Variants in RIMS2 observed in about 807,000 individuals in gnomAD.
The protein encoded by RIMS2 is regulating synaptic membrane exocytosis 2.
In RIMS2, 59 loss-of-function variants were observed where a neutral mutation model predicts 174.4. That is an observed-to-expected ratio of 0.34 (90% confidence interval 0.27 to 0.42). The LOEUF is 0.42. Among genes scored for constraint, RIMS2 ranks in the 10% least tolerant of loss-of-function variants. The pLI is 1.00. For missense variants in RIMS2, 1,620 were observed against 1,666.3 expected (o/e 0.97, Z 0.48); for synonymous variants, 606 against 572.5 (o/e 1.06, Z -0.84).
At chr8:103,774,310 C>A (rs1220323763) in intron 3 of RIMS2, among the ~76,000 whole-genome samples, 1 of 152,168 alleles carries the variant, frequency 6.6e-6, no homozygotes, top group Non-Finnish European at 1.5e-5. Context: ...AATGACACAG[C>A]AGTTCTACTC....
At chr8:103,538,099 T>A (rs1194059480) in intron 1 of RIMS2, among the ~76,000 whole-genome samples, 3 of 152,168 alleles carry the variant, frequency 2.0e-5, no homozygotes, top group Non-Finnish European at 4.4e-5. Flanking sequence ...ATCTCTCCTA[T>A]GGTCTTTAAA....
At chr8:103,588,484 A>G (rs1021271727) in intron 1 of RIMS2, among the ~76,000 whole-genome samples, 1 of 151,908 alleles carries the variant, frequency 6.6e-6, no homozygotes, top group East Asian at 1.9e-4. Flanking sequence ...AAACTGGAGG[A>G]ATCACATTAC....
At chr8:104,177,980 C>T (rs922958501) in intron 19 of RIMS2, among the ~76,000 whole-genome samples, 2 of 152,010 alleles carry the variant, frequency 1.3e-5, no homozygotes, top group Non-Finnish European at 2.9e-5. Context: ...TGGTGTCTAC[C>T]ATATGGAAGC....
At chr8:103,530,419 A>G (rs1586892405) in intron 1 of RIMS2, among the ~76,000 whole-genome samples, 1 of 152,164 alleles carries the variant, frequency 6.6e-6, no homozygotes, top group African/African-American at 2.4e-5. Context: ...CTGTTAACAC[A>G]TTGAATGTAA....
At chr8:103,885,869 T>C in exon 4 of RIMS2, 24 of 1,612,914 alleles carry the variant, frequency 1.5e-5, no homozygotes, top group Non-Finnish European at 2.0e-5. Flanking sequence ...ACCAAGTTCT[T>C]ATGCACAAAG....
At chr8:104,239,768 C>T (rs142548080) in intron 19 of RIMS2, among the ~76,000 whole-genome samples, 127 of 152,232 alleles carry the variant, frequency 8.3e-4, no homozygotes, top group Non-Finnish European at 1.4e-3. Context: ...CAGCTGAAAA[C>T]AACACCCATT....
At chr8:103,658,761 T>C (rs1485451541) in intron 1 of RIMS2, among the ~76,000 whole-genome samples, 1 of 152,192 alleles carries the variant, frequency 6.6e-6, no homozygotes, top group African/African-American at 2.4e-5. Flanking sequence ...TTCTCCCTTG[T>C]CTCCTCCAGA....
chr8:104,187,867 C>G (rs1481960488), intron 19 of RIMS2, among the ~76,000 whole-genome samples: 1 of 151,592 alleles, frequency 6.6e-6, no homozygotes, highest in Non-Finnish European at 1.5e-5. Flanking sequence ...GGATACTTTT[C>G]AAGATCACAC....
intron 17 of RIMS2, among the ~76,000 whole-genome samples, chr8:103,996,630 T>C (rs1565751244): frequency 6.6e-6 from 1 of 151,920 alleles, no homozygotes; most frequent in Non-Finnish European, 1.5e-5. Flanking sequence ...ACCACTCATA[T>C]AGGTGAGAGA....
intron 1 of RIMS2, among the ~76,000 whole-genome samples, chr8:103,685,383 C>T (rs2096929508): frequency 6.6e-6 from 1 of 152,066 alleles, no homozygotes; most frequent in Admixed American, 6.6e-5. Context: ...CTCCTGTGAA[C>T]TAGCAGAGCA....
At chr8:104,018,972 T>C (rs1039242437) in intron 19 of RIMS2, among the ~76,000 whole-genome samples, 2 of 152,144 alleles carry the variant, frequency 1.3e-5, no homozygotes, top group African/African-American at 4.8e-5. Context: ...TTTAATGTTC[T>C]TGAAAGGATT....
chr8:103,795,937 TC>T (rs1284967823), intron 3 of RIMS2, among the ~76,000 whole-genome samples: 1 of 152,210 alleles, frequency 6.6e-6, no homozygotes, highest in Non-Finnish European at 1.5e-5. Context: ...ATATACTTCC[TC>T]CGAAAGTAGC....
chr8:104,069,966 T>C (rs1199639098), intron 19 of RIMS2, among the ~76,000 whole-genome samples: 1 of 152,216 alleles, frequency 6.6e-6, no homozygotes, highest in Non-Finnish European at 1.5e-5. Flanking sequence ...ATCATTATAG[T>C]TGTAATATTT....
intron 1 of RIMS2, among the ~76,000 whole-genome samples, chr8:103,570,874 G>A (rs1449403777): frequency 6.6e-6 from 1 of 152,052 alleles, no homozygotes; most frequent in East Asian, 1.9e-4. Context: ...AAAAGTAATT[G>A]CAAAAGCTGC....
rs1212096743 is a variant in RIMS2, at chr8:104,088,437, C to T, written c.3334+73822C>T. 5.9e-5 allele frequency among the ~76,000 whole-genome samples: 9 copies of T among 152,080 alleles called. No homozygotes were observed. In the East Asian group the frequency reaches 1.7e-3, roughly 29 times the overall value. On this transcript the variant is annotated intron_variant, in intron 19 of 23. Transcript: ENST00000504942. ...TGTATCTTCCAAAGATTATGTTTGCCTTAGTTTTCTTTCCCCGCTCCTATC... is the reference window on the plus strand; with the variant it reads ...TGTATCTTCCAAAGATTATGTTTGCTTTAGTTTTCTTTCCCCGCTCCTATC...
chr8:103,853,901 T>G (rs951499495), intron 3 of RIMS2, among the ~76,000 whole-genome samples: 2 of 151,494 alleles, frequency 1.3e-5, no homozygotes. Flanking sequence ...TTAGAACAGC[T>G]TTTTTTTTCT....
intron 3 of RIMS2, among the ~76,000 whole-genome samples, chr8:103,777,924 G>T (rs1477085090): frequency 5.9e-5 from 9 of 151,692 alleles, no homozygotes; most frequent in African/African-American, 2.2e-4. Context: ...TACAAAATTG[G>T]GTATAAACTG....
intron 1 of RIMS2, among the ~76,000 whole-genome samples, chr8:103,621,614 G>T (rs531584182): frequency 6.6e-6 from 1 of 152,274 alleles, no homozygotes; most frequent in African/African-American, 2.4e-5. Context: ...GTTAGCACAG[G>T]TCTTTGAATA....
At chr8:103,839,191 T>A (rs2098924360) in intron 3 of RIMS2, among the ~76,000 whole-genome samples, 1 of 152,246 alleles carries the variant, frequency 6.6e-6, no homozygotes, top group South Asian at 2.1e-4. Context: ...GTTGCAACAT[T>A]CTGGTCATCT....
Sources: allele counts gnomAD v4.1 joint callset (sites outside exome capture counted in the v4.1 genomes callset), GRCh38; gene constraint gnomAD v4.1.1; transcripts MANE v1.5; gene names NCBI Gene and HGNC (gene_info 2026-07-23, HGNC 2026-07-21).